CTNNAL1: variants seen among roughly 807,000 people sequenced by gnomAD.
CTNNAL1 encodes the protein alpha-catulin.
In CTNNAL1, 69 loss-of-function variants were observed where a neutral mutation model predicts 93.6. That is an observed-to-expected ratio of 0.74 (90% CI 0.61 to 0.90). The LOEUF (loss-of-function observed/expected upper bound fraction) is 0.90, where lower values mean the gene tolerates loss of function less well. Among genes scored for constraint, CTNNAL1 ranks in the 40% least tolerant of loss-of-function variants. The pLI, the probability that CTNNAL1 is intolerant of heterozygous loss-of-function variation, is 0.00. For missense variants in CTNNAL1, 836 were observed against 862.0 expected (o/e 0.97, Z 0.38); for synonymous variants, 286 against 305.4 (o/e 0.94, Z 0.66).
intron 15 of CTNNAL1, 30 bp downstream of exon 15, chr9:108,948,156 G>C (rs1830458902): frequency 5.6e-6 from 9 of 1,606,564 alleles, no homozygotes; most frequent in Non-Finnish European, 7.6e-6. Context: ...CGAAATTAAA[G>C]TACTAGCATA....
intron 17 of CTNNAL1, 117 bp downstream of exon 17, chr9:108,943,586 G>T: frequency 1.4e-6 from 1 of 739,788 alleles, no homozygotes; most frequent in Non-Finnish European, 2.1e-6. Flanking sequence ...TTGTAGACAA[G>T]GCATGAAAAA....
At chr9:108,946,305 A>AG (rs1190370941) in intron 15 of CTNNAL1, among the ~76,000 whole-genome samples, 2 of 151,840 alleles carry the variant, frequency 1.3e-5, no homozygotes, top group Non-Finnish European at 2.9e-5. Context: ...CTCAAAAAAA[A>AG]AAAAAAAAAA....
At chr9:108,986,952 C>G (rs1285265461) in intron 4 of CTNNAL1, among the ~76,000 whole-genome samples, 4 of 152,064 alleles carry the variant, frequency 2.6e-5, no homozygotes, top group African/African-American at 7.2e-5. Flanking sequence ...GAGTAGGTTG[C>G]GAAAATTTTC....
chr9:108,991,872 C>A (rs1161748456), intron 3 of CTNNAL1: 2 of 573,756 alleles, frequency 3.5e-6, no homozygotes, highest in South Asian at 4.0e-5. Context: ...CGTACATACC[C>A]TGGATTCCCA....
At chr9:108,996,696 G>A (rs1832033045) in intron 2 of CTNNAL1, among the ~76,000 whole-genome samples, 1 of 151,840 alleles carries the variant, frequency 6.6e-6, no homozygotes, top group African/African-American at 2.4e-5. Context: ...ACGGTTGTTA[G>A]AAGAAACAGT....
At position 108,994,892 on chromosome 9, in the gene CTNNAL1, G is replaced by GA. The variant is rs556146092; in HGVS notation, c.332-2074dup. Among the ~76,000 whole-genome samples the GA allele has an allele frequency of 3.0e-3, 458 of 152,284 alleles. 1 individual carries two copies. The highest frequency in any genetic ancestry group is 0.01 in the Middle Eastern group (3 of 294). ...ACTACACAGATAACTACGTGGAGAG[G>GA]AAGTGAGGCCTCCAGCCAACAGCCA... is the stretch of plus-strand genomic sequence containing the variant. On this transcript the variant is annotated intron_variant, in intron 2 of 18. Coordinates refer to ENST00000325551, the MANE Select transcript of CTNNAL1 (RefSeq NM_003798.4).
chr9:108,972,868 G>GGGGGCCCCCACGGGT, intron 8 of CTNNAL1, 35 bp from the exon 9 acceptor site: 1 of 1,092,790 alleles, frequency 9.2e-7, no homozygotes, highest in Non-Finnish European at 1.2e-6. Context: ...GGGTGGGAGG[G>GGGGGCCCCCACGGGT]TGGAGAAGGA....
chr9:108,950,616 C>G (rs1564121575), intron 14 of CTNNAL1: 2 of 1,549,090 alleles, frequency 1.3e-6, no homozygotes, highest in South Asian at 1.2e-5. Context: ...AGGAAGGAAT[C>G]TTCACGAGCA....
At chr9:108,990,902 G>A in intron 3 of CTNNAL1, 57 bp from the exon 4 acceptor site, 3 of 1,561,028 alleles carry the variant, frequency 1.9e-6, no homozygotes, top group South Asian at 1.2e-5. Context: ...GACTGAGATT[G>A]TCAAGGCTGA....
At chr9:108,976,500 G>A (rs556652903) in intron 8 of CTNNAL1, among the ~76,000 whole-genome samples, 2 of 152,072 alleles carry the variant, frequency 1.3e-5, no homozygotes, top group Non-Finnish European at 2.9e-5. Context: ...TAAAATCATG[G>A]CTTCAAAATA....
intron 12 of CTNNAL1, among the ~76,000 whole-genome samples, chr9:108,954,246 TA>T (rs777178787): frequency 2.6e-5 from 4 of 152,178 alleles, no homozygotes; most frequent in Admixed American, 1.3e-4. Flanking sequence ...GTCAGTCCCC[TA>T]AATATAAATA....
At position 108,972,569 on chromosome 9, in the gene CTNNAL1, A is replaced by G. The variant is rs796814118; in HGVS notation, c.1347+106T>C. ...CTTTTAAGATGCCAAAGGAGAGAGA[A>G]AATGCTCAGATAAATTAACCCAAAA... is the stretch of plus-strand genomic sequence containing the variant. On this transcript the variant is annotated intron_variant, in intron 9 of 18. Coordinates refer to ENST00000325551, the MANE Select transcript of CTNNAL1 (RefSeq NM_003798.4). 6.0e-5 allele frequency: 58 copies of G among 964,750 alleles called. No homozygotes were observed. In the African/African-American group the frequency reaches 8.5e-4, roughly 14 times the overall value. The allele number at this position is 964,750 out of a possible 1,614,324, so 59.8% of individuals were successfully genotyped here. A position where few individuals can be genotyped will look rare whatever the true frequency, so the allele number is the denominator to read the frequency against.
intron 11 of CTNNAL1, among the ~76,000 whole-genome samples, chr9:108,961,034 T>A (rs1830807728): frequency 6.6e-6 from 1 of 151,844 alleles, no homozygotes; most frequent in Non-Finnish European, 1.5e-5. Context: ...TCCTATTGCT[T>A]AGCGTGATGT....
chr9:108,950,525 A>G, intron 14 of CTNNAL1: 1 of 1,550,302 alleles, frequency 6.5e-7, no homozygotes, highest in African/African-American at 1.4e-5. Context: ...CTATCTAGAA[A>G]AGGTAGAAGA....
At chr9:108,948,472 T>C (rs1325099522) in intron 14 of CTNNAL1, among the ~76,000 whole-genome samples, 1 of 152,232 alleles carries the variant, frequency 6.6e-6, no homozygotes, top group Non-Finnish European at 1.5e-5. Flanking sequence ...TAAAAAATTT[T>C]AAACAAGTAA....
chr9:108,965,885 G>A (rs1007100030), intron 10 of CTNNAL1, among the ~76,000 whole-genome samples: 2 of 152,148 alleles, frequency 1.3e-5, no homozygotes, highest in African/African-American at 4.8e-5. Context: ...AGTAGCAAAG[G>A]TAGCAGTAAT....
intron 14 of CTNNAL1, among the ~76,000 whole-genome samples, chr9:108,950,086 C>T (rs1203115128): frequency 6.7e-6 from 1 of 150,298 alleles, no homozygotes; most frequent in Non-Finnish European, 1.5e-5. Context: ...GAATATTTTA[C>T]ATATCAAACT....
At chr9:109,003,604 G>A (rs1320573973) in intron 1 of CTNNAL1, among the ~76,000 whole-genome samples, 1 of 152,064 alleles carries the variant, frequency 6.6e-6, no homozygotes, top group Non-Finnish European at 1.5e-5. Context: ...TAAACCAGTG[G>A]CTCCTATTTT....
chr9:108,999,218 C>CT lies in CTNNAL1; in HGVS notation c.179dup (p.Ser61ValfsTer2), dbSNP rs752263103. 2 of 1,609,218 alleles carry CT rather than the reference C, an allele frequency of 1.2e-6. No homozygotes were observed. Among genetic ancestry groups the CT allele is most frequent in the Non-Finnish European group, 1.7e-6 (2 of 1,178,748 alleles). ...GAATTGCTTGCAGAGTTTTATCAGA[C>CT]TTTTTGGTATTATCTTTATGATTAA... is the stretch of plus-strand genomic sequence containing the variant. On this transcript the variant is annotated frameshift_variant, in exon 2 of 19. Coordinates refer to ENST00000325551, the MANE Select transcript of CTNNAL1 (RefSeq NM_003798.4). LOFTEE classifies it high-confidence loss of function.
Sources: gnomAD v4.1 joint callset for allele counts (sites outside exome capture counted in the v4.1 genomes callset) on GRCh38, gnomAD v4.1.1 for gene constraint, MANE v1.5 for transcripts, NCBI Gene and HGNC (gene_info 2026-07-23, HGNC 2026-07-21) for gene names.